The following DCDC1 variants were observed in gnomAD, a reference collection of about 807,000 sequenced individuals.
The protein encoded by DCDC1 is doublecortin domain containing 1, also known as doublecortin domain-containing protein 1.
A neutral mutation model predicts 178.3 loss-of-function variants in DCDC1; 200 were observed. The ratio of observed to expected loss-of-function variants is 1.12; its 90% CI spans 1.00 to 1.26. The LOEUF (loss-of-function observed/expected upper bound fraction) is 1.26. Ranked by LOEUF, DCDC1 falls within the 50% of genes most tolerant of loss-of-function variation. The pLI is 0.00. For synonymous variants in DCDC1, 690 were observed against 604.8 expected, an observed-to-expected ratio of 1.14 and a Z score of -2.07; for missense variants, 1,983 against 1,749.2, an observed-to-expected ratio of 1.13 and a Z score of -2.38.
chr11:31,135,088 C>G (rs1048264132), intron 10 of DCDC1, among the ~76,000 whole-genome samples: 2 of 152,082 alleles, frequency 1.3e-5, no homozygotes, highest in Admixed American at 1.3e-4. Context: ...ACTGTTACTC[C>G]CAAATTTCAT....
chr11:31,266,317 A>C (rs545661410), intron 7 of DCDC1, among the ~76,000 whole-genome samples: 1 of 152,306 alleles, frequency 6.6e-6, no homozygotes, highest in Admixed American at 6.5e-5. Flanking sequence ...TTTGAAACCA[A>C]TGTGGCAATT....
chr11:31,036,964 A>G (rs1442429791), intron 20 of DCDC1, among the ~76,000 whole-genome samples: 2 of 152,196 alleles, frequency 1.3e-5, no homozygotes, highest in African/African-American at 2.4e-5. Context: ...TGGAAAACTG[A>G]GAGATAGAGA....
intron 9 of DCDC1, among the ~76,000 whole-genome samples, chr11:31,217,123 T>C (rs538248808): frequency 1.1e-4 from 17 of 152,050 alleles, no homozygotes; most frequent in African/African-American, 3.6e-4. Context: ...AGGGAGATGA[T>C]AGAAAAGGGA....
At chr11:30,976,506 T>TG (rs1206245093) in intron 20 of DCDC1, among the ~76,000 whole-genome samples, 5 of 149,548 alleles carry the variant, frequency 3.3e-5, no homozygotes, top group Admixed American at 3.3e-4. Flanking sequence ...AATAATTCCA[T>TG]GAAAAAGTGG....
chr11:31,133,141 T>C (rs1024083665), intron 10 of DCDC1, among the ~76,000 whole-genome samples: 3 of 152,228 alleles, frequency 2.0e-5, no homozygotes, highest in Admixed American at 6.5e-5. Context: ...TTGTGAATAC[T>C]GTACATTGGC....
chr11:30,998,040 T>C (rs1951366270), intron 20 of DCDC1, among the ~76,000 whole-genome samples: 1 of 152,130 alleles, frequency 6.6e-6, no homozygotes. Context: ...ATGTCTGTAA[T>C]GCCAGCACTT....
intron 20 of DCDC1, among the ~76,000 whole-genome samples, chr11:30,999,371 G>A (rs1414178956): frequency 6.6e-6 from 1 of 152,072 alleles, no homozygotes; most frequent in Admixed American, 6.6e-5. Context: ...AAGAGCTGTA[G>A]GAACTCTCTA....
At chr11:31,354,141 C>A (rs1339533711) in intron 1 of DCDC1, among the ~76,000 whole-genome samples, 1 of 152,050 alleles carries the variant, frequency 6.6e-6, no homozygotes, top group African/African-American at 2.4e-5. Context: ...CAAAAATTAG[C>A]CGGGTGTGGT....
At chr11:30,935,781 T>C (rs549024286) in intron 21 of DCDC1, among the ~76,000 whole-genome samples, 1 of 152,332 alleles carries the variant, frequency 6.6e-6, no homozygotes, top group East Asian at 1.9e-4. Context: ...CTCGAACTCC[T>C]GACCTCGTGA....
chr11:31,243,307 A>G (rs1055869209), intron 8 of DCDC1, among the ~76,000 whole-genome samples: 3 of 151,762 alleles, frequency 2.0e-5, no homozygotes, highest in Non-Finnish European at 4.4e-5. Context: ...ACACATTCAT[A>G]TATTACTATG....
intron 17 of DCDC1, among the ~76,000 whole-genome samples, chr11:31,084,679 C>T (rs1295035464): frequency 6.6e-6 from 1 of 151,802 alleles, no homozygotes; most frequent in Non-Finnish European, 1.5e-5. Context: ...TAAGTACTTC[C>T]CTCCCTCTCT....
intron 23 of DCDC1, among the ~76,000 whole-genome samples, chr11:30,923,040 C>G (rs1292116069): frequency 6.6e-6 from 1 of 150,968 alleles, no homozygotes; most frequent in Non-Finnish European, 1.5e-5. Context: ...GAGGGAGAGA[C>G]GGAGGAAGGT....
Position 31,127,500 on chromosome 11 carries a change from T to C in DCDC1, c.1454A>G (p.Asn485Ser). The C allele has an allele frequency of 1.4e-6, 1 of 702,640 alleles. No individual in the cohort carries two copies. Among genetic ancestry groups the C allele is most frequent in the East Asian group, 2.7e-5 (1 of 37,266 alleles). The allele number at this position is 702,640 out of a possible 1,614,324, so 43.5% of individuals were successfully genotyped here. ...CTGCAGGCCTCCTGGGACAAGCGTG[T>C]TTGCTGGAAGGCTTTTAATGTGTTG... ...VYQHIKSLPANTLVPGGLQLK... is the reference protein window; with the variant it reads ...VYQHIKSLPASTLVPGGLQLK... The change falls in exon 11 of 39, where the codon AAC becomes AGC. Residue 485 changes from asparagine to serine, a missense_variant. Coordinates refer to ENST00000684477, the MANE Select transcript of DCDC1 (RefSeq NM_001387274.1).
At chr11:31,215,810 G>A (rs534295354) in intron 9 of DCDC1, among the ~76,000 whole-genome samples, 35 of 152,060 alleles carry the variant, frequency 2.3e-4, no homozygotes, top group Non-Finnish European at 4.1e-4. Context: ...AAAAAATGGA[G>A]GCAGCAGGAA....
At chr11:31,304,504 T>C (rs996140022) in intron 6 of DCDC1, among the ~76,000 whole-genome samples, 4 of 152,186 alleles carry the variant, frequency 2.6e-5, no homozygotes, top group African/African-American at 9.6e-5. Flanking sequence ...ATGACCATTA[T>C]AGCAACAAGT....
At chr11:31,030,319 G>C (rs1207647105) in intron 20 of DCDC1, among the ~76,000 whole-genome samples, 3 of 151,850 alleles carry the variant, frequency 2.0e-5, no homozygotes, top group Admixed American at 2.0e-4. Context: ...CCACACAGTT[G>C]GTAGACATAA....
rs112039541 is a variant in DCDC1, at chr11:31,315,635, C to T, written c.165-7727G>A. ...ACAGGCGTGAGCCACCATGCCCGGC[C>T]ATCTGCATACCTTTTTTTTTTTTTT... On this transcript the variant is annotated intron_variant, in intron 3 of 38. Transcript: ENST00000684477. Among the ~76,000 whole-genome samples the T allele has an allele frequency of 7.9e-3, 1,172 of 147,514 alleles. 21 individuals carry two copies. Among genetic ancestry groups the T allele is most frequent in the African/African-American group, 0.028 (1,121 of 39,542 alleles).
At chr11:31,027,574 A>C (rs1470984118) in intron 20 of DCDC1, among the ~76,000 whole-genome samples, 1 of 151,878 alleles carries the variant, frequency 6.6e-6, no homozygotes, top group Non-Finnish European at 1.5e-5. Flanking sequence ...ATCAATAAGA[A>C]TATAAATAGG....
Position 31,305,769 on chromosome 11 carries a change from C to T in DCDC1, c.600G>A (p.Glu200=), listed in dbSNP as rs2616815. The T allele has an allele frequency of 0.65, 1,047,831 of 1,612,494 alleles. 345,817 individuals are homozygous for T. The highest frequency in any genetic ancestry group is 0.9 in the African/African-American group (67,759 of 74,952). The part of the protein sequence containing the change: ...VTVPTITLLL[E]ECTEKLNLNM... ...TCAGATTCAGCTTTTCTGTGCACTC[C>T]TCCAGCAGCTAGAAGAAAGCAAGAG... Residue 200 remains glutamate, a synonymous_variant, in exon 6 of 39, where the codon GAG becomes GAA. Transcript: ENST00000684477.
Sources: allele counts gnomAD v4.1 joint callset (sites outside exome capture counted in the v4.1 genomes callset), GRCh38; gene constraint gnomAD v4.1.1; transcripts MANE v1.5; gene names NCBI Gene and HGNC (gene_info 2026-07-23, HGNC 2026-07-21).